Variants in CD209 observed in about 807,000 individuals in gnomAD.
CD209 encodes CD209 molecule.
A neutral mutation model predicts 44.7 loss-of-function variants in CD209; 31 were observed. The observed-to-expected ratio is 0.69, with a 90% confidence interval of 0.52 to 0.94. The LOEUF (loss-of-function observed/expected upper bound fraction) is 0.94, where lower values mean the gene tolerates loss of function less well. Ranked by LOEUF, CD209 falls within the 40% of genes least tolerant of loss-of-function variation. The pLI is 0.00. For synonymous variants in CD209, 173 were observed against 181.3 expected, an observed-to-expected ratio of 0.95 and a Z score of 0.37; for missense variants, 407 against 452.4, an observed-to-expected ratio of 0.90 and a Z score of 0.91.
intron 6 of CD209, 36 bp downstream of exon 6, chr19:7,744,071 A>C: frequency 1.3e-6 from 2 of 1,497,818 alleles, no homozygotes; most frequent in Non-Finnish European, 1.9e-6. Flanking sequence ...TCACAATTCC[A>C]GCCCCAGTGG....
At chr19:7,744,826 C>T (rs2033745135) in intron 5 of CD209, 115 bp downstream of exon 5, 3 of 1,411,302 alleles carry the variant, frequency 2.1e-6, no homozygotes, top group Admixed American at 2.1e-5. Flanking sequence ...CCTTCTCCTC[C>T]CTTCTTTCCA....
intron 3 of CD209, among the ~76,000 whole-genome samples, 165 bp from the exon 4 acceptor site, chr19:7,746,252 G>A (rs868493683): frequency 6.6e-6 from 1 of 152,126 alleles, no homozygotes; most frequent in Admixed American, 6.5e-5. Context: ...GAAGGCCAAG[G>A]AGAGCCAGAT....
At position 7,741,214 on chromosome 19, in the gene CD209, G is replaced by C; in HGVS notation, c.*1825C>G. 1.5e-6 allele frequency: 1 copy of C among 662,932 alleles called. No homozygotes were observed. 41.1% of individuals were successfully genotyped at this position (662,932 alleles called of 1,614,324 possible). On this transcript the variant is annotated 3_prime_UTR_variant, in exon 7 of 7. Transcript: ENST00000315599. ...AGACTGGGCGCGGTGGCTCAGGCCT[G>C]TAATCCCAGCACTTTGGGAGGACGC...
Position 7,746,447 on chromosome 19 carries a change from A to G in CD209, c.178+13T>C. On this transcript the variant is annotated intron_variant, in intron 3 of 6. Transcript: ENST00000315599. The stretch of plus-strand genomic sequence containing the variant: ...GGCGTGGGGACCCCAGACCCTCAGA[A>G]CCTGCCCCTGACCTTGGACAAGGAG... 1.2e-6 allele frequency: 2 copies of G among 1,613,704 alleles called. No homozygotes were observed. The highest frequency in any genetic ancestry group is 8.5e-7 in the Non-Finnish European group (1 of 1,179,720).
intron 4 of CD209, 139 bp downstream of exon 4, chr19:7,745,379 T>A: frequency 6.7e-7 from 1 of 1,500,616 alleles, no homozygotes; most frequent in Non-Finnish European, 9.0e-7. Context: ...CTGTGAACAC[T>A]GAGGGCAATG....
rs1426691224 is a variant in CD209 at position 7,747,351 on chromosome 19, T to C, written c.61A>G (p.Arg21Gly). 1 of 1,614,258 alleles carries C rather than the reference T, an allele frequency of 6.2e-7. No individual in the cohort carries two copies. The change falls in exon 2 of 7, where the codon AGA becomes GGA. Residue 21 changes from arginine to glycine, a missense_variant. Coordinates refer to ENST00000315599, the MANE Select transcript of CD209 (RefSeq NM_021155.4). ...CGAGTCTGTCGGAATCCAAGGCCTC[T>C]CAGCTGTTCCTCCTCTGAATGGATA... Reference protein sequence around the residue: ...QLGLLEEEQLRGLGFRQTRGY... With the variant: ...QLGLLEEEQLGGLGFRQTRGY...
intron 6 of CD209, 119 bp downstream of exon 6, chr19:7,743,988 A>G: frequency 1.2e-6 from 1 of 812,460 alleles, no homozygotes; most frequent in Non-Finnish European, 2.0e-6. Flanking sequence ...CAACTCAGTA[A>G]AACCTCCAGA....
rs564862388 is a variant in CD209 at position 7,742,037 on chromosome 19, G to C, written c.*1002C>G. The C allele has an allele frequency of 1.0e-5, 3 of 293,204 alleles. No homozygotes were observed. Among genetic ancestry groups the C allele is most frequent in the African/African-American group, 4.5e-5 (2 of 44,232 alleles). The allele number at this position is 293,204 out of a possible 1,614,324, so 18.2% of individuals were successfully genotyped here. On this transcript the variant is annotated 3_prime_UTR_variant, in exon 7 of 7. Coordinates refer to ENST00000315599, the MANE Select transcript of CD209 (RefSeq NM_021155.4). ...GGGCCGGTGCAGCCGCAGTGAGAAC[G>C]GCCGGAGCCGTCACAGCCGGAGCCA...
chr19:7,745,109 G>A lies in CD209; in HGVS notation c.749-17C>T, dbSNP rs780378461. The A allele has an allele frequency of 6.2e-7, 1 of 1,614,058 alleles. No homozygotes were observed. The highest frequency in any genetic ancestry group is 1.3e-5 in the African/African-American group (1 of 75,038). ...ACAGGCGTTCTGTTGGGGGAGGCTG[G>A]TCAGGGCTGGGCTTAGATTAGGTTG... On this transcript the variant is annotated splice_polypyrimidine_tract_variant and intron_variant, in intron 4 of 6. Transcript: ENST00000315599.
chr19:7,746,173 G>T, intron 3 of CD209, 86 bp from the exon 4 acceptor site: 2 of 1,560,030 alleles, frequency 1.3e-6, no homozygotes, highest in Non-Finnish European at 8.7e-7. Flanking sequence ...GACATCATTT[G>T]TGAGAGCCAA....
Position 7,742,939 on chromosome 19 carries a change from T to C in CD209, c.*100A>G. 1 of 993,974 alleles carries C rather than the reference T, an allele frequency of 1.0e-6. No individual in the cohort carries two copies. The highest frequency in any genetic ancestry group is 1.6e-6 in the Non-Finnish European group (1 of 639,664). 61.6% of individuals were successfully genotyped at this position (993,974 alleles called of 1,614,324 possible). A position where few individuals can be genotyped will look rare whatever the true frequency, so the allele number is the denominator to read the frequency against. ...AGAAGGACAGAATGGGACCCAGCCT[T>C]CTAAAGGAGGAAGAATCTGACAAAG... On this transcript the variant is annotated 3_prime_UTR_variant, in exon 7 of 7. Transcript: ENST00000315599.
Position 7,741,000 on chromosome 19 carries a change from T to G in CD209, c.*2039A>C, listed in dbSNP as rs1220661547. 2 of 713,322 alleles carry G rather than the reference T, an allele frequency of 2.8e-6. No individual in the cohort carries two copies. The highest frequency in any genetic ancestry group is 5.0e-6 in the Non-Finnish European group (2 of 396,304). The allele number at this position is 713,322 out of a possible 1,614,324, so 44.2% of individuals were successfully genotyped here. A position where few individuals can be genotyped will look rare whatever the true frequency, so the allele number is the denominator to read the frequency against. Reference sequence around the variant, plus strand: ...GAGCTTGCAGATTTGGAGATAGATGTTCACATGATTTCCCAACATCCAGTC... The same window carrying G: ...GAGCTTGCAGATTTGGAGATAGATGGTCACATGATTTCCCAACATCCAGTC... On this transcript the variant is annotated 3_prime_UTR_variant, in exon 7 of 7. Transcript: ENST00000315599.
At position 7,742,748 on chromosome 19, in the gene CD209, C is replaced by CAGCT; in HGVS notation, c.*287_*290dup. 2.1e-6 allele frequency: 1 copy of CAGCT among 479,156 alleles called. No individual in the cohort carries two copies. The highest frequency in any genetic ancestry group is 3.8e-6 in the Non-Finnish European group (1 of 263,268). The allele number at this position is 479,156 out of a possible 1,614,324, so 29.7% of individuals were successfully genotyped here. A position where few individuals can be genotyped will look rare whatever the true frequency, so the allele number is the denominator to read the frequency against. On this transcript the variant is annotated 3_prime_UTR_variant, in exon 7 of 7. Transcript: ENST00000315599. ...TAAGATAACGCCCCAGGGGACATAGCAGCTACACATGGCAACCCAAATATC... is the reference window on the plus strand; with the variant it reads ...TAAGATAACGCCCCAGGGGACATAGCAGCTAGCTACACATGGCAACCCAAATATC...
intron 2 of CD209, 93 bp from the exon 3 acceptor site, chr19:7,746,624 C>G: frequency 1.6e-6 from 2 of 1,280,354 alleles, no homozygotes; most frequent in Non-Finnish European, 2.3e-6. Context: ...CCCCAGGACC[C>G]AGGAACCCCA....
chr19:7,746,396 C>T (rs1306765308), intron 3 of CD209, 64 bp downstream of exon 3: 2 of 1,542,814 alleles, frequency 1.3e-6, no homozygotes, highest in Non-Finnish European at 1.8e-6. Context: ...CTGGCAGCCC[C>T]AGGCTGTGTC....
intron 6 of CD209, 113 bp from the exon 7 acceptor site, chr19:7,743,353 T>C: frequency 1.1e-6 from 1 of 922,322 alleles, no homozygotes; most frequent in Non-Finnish European, 1.8e-6. Context: ...TATGCTGGAC[T>C]TGAATCCCTC....
In CD209 at chr19:7,747,249, G is replaced by A. The variant is rs11465369; in HGVS notation, c.106+57C>T. ...CAGGCCCCAGCGTCCAGCTCCTCAG[G>A]ACCCAGGAGTCCAGGAGTCTCTCGT... On this transcript the variant is annotated intron_variant, in intron 2 of 6. Transcript: ENST00000315599. 3.4e-3 allele frequency: 5,395 copies of A among 1,583,612 alleles called. 165 individuals are homozygous for A. In the African/African-American group the frequency reaches 0.066, roughly 19 times the overall value.
chr19:7,746,616 C>A, intron 2 of CD209, 85 bp from the exon 3 acceptor site: 1 of 1,370,942 alleles, frequency 7.3e-7, no homozygotes, highest in Non-Finnish European at 1.0e-6. Context: ...CCTCAGCACC[C>A]CAGGACCCAG....
Position 7,741,051 on chromosome 19 carries a change from T to C in CD209, c.*1988A>G. ...CTACCCTTCTTATTAAAAGCATGTT[T>C]ACAGTGTTTGGAAAGGAGCAGTGCA... On this transcript the variant is annotated 3_prime_UTR_variant, in exon 7 of 7. Transcript: ENST00000315599. The C allele has an allele frequency of 1.3e-6, 1 of 789,770 alleles. No individual in the cohort carries two copies. Among genetic ancestry groups the C allele is most frequent in the Non-Finnish European group, 2.2e-6 (1 of 453,412 alleles). 48.9% of individuals were successfully genotyped at this position (789,770 alleles called of 1,614,324 possible). A position where few individuals can be genotyped will look rare whatever the true frequency, so the allele number is the denominator to read the frequency against.
Sources: allele counts gnomAD v4.1 joint callset (sites outside exome capture counted in the v4.1 genomes callset), GRCh38; gene constraint gnomAD v4.1.1; transcripts MANE v1.5; gene names NCBI Gene and HGNC (gene_info 2026-07-23, HGNC 2026-07-21).